The following DEPTOR variants were observed in gnomAD, a reference collection of about 807,000 sequenced individuals.
DEPTOR encodes DEP domain containing MTOR interacting protein.
Under a neutral mutation model 41.6 loss-of-function variants are expected in DEPTOR, and 41 were observed. The ratio of observed to expected loss-of-function variants is 0.98; its 90% confidence interval spans 0.77 to 1.28. The LOEUF is 1.28. Among genes scored for constraint, DEPTOR ranks in the 50% most tolerant of loss-of-function variants. The pLI is 0.00. For synonymous variants in DEPTOR, 195 were observed against 192.3 expected (o/e 1.01, Z -0.12); for missense variants, 514 against 527.9 (o/e 0.97, Z 0.26).
At position 120,033,779 on chromosome 8, in the gene DEPTOR, G is replaced by A. The variant is rs529050793; in HGVS notation, c.1102-15797G>A. On this transcript the variant is annotated intron_variant, in intron 8 of 8. Transcript: ENST00000286234. ...GGCAAGGATTTACTCCCAATCTTTA[G>A]CCAAGTCAGTATGGAGCACTCTCTT... Among the ~76,000 whole-genome samples the A allele has an allele frequency of 1.8e-4, 28 of 152,206 alleles. No homozygotes were observed. The South Asian group carries it at 5.6e-3, about 30-fold the overall frequency.
intron 8 of DEPTOR, among the ~76,000 whole-genome samples, chr8:120,021,034 G>A (rs1812699572): frequency 2.1e-5 from 1 of 48,692 alleles, no homozygotes; most frequent in Admixed American, 2.4e-4. Context: ...ACTCTAGCCT[G>A]GGTGACACAG....
At chr8:119,927,058 G>A (rs996512099) in intron 1 of DEPTOR, among the ~76,000 whole-genome samples, 11 of 152,168 alleles carry the variant, frequency 7.2e-5, no homozygotes. Flanking sequence ...CATGGCAGAA[G>A]AGAAACAGCA....
chr8:119,987,818 G>T (rs1487287493), intron 4 of DEPTOR, among the ~76,000 whole-genome samples: 1 of 152,190 alleles, frequency 6.6e-6, no homozygotes, highest in Non-Finnish European at 1.5e-5. Flanking sequence ...TTTACACTGT[G>T]AGGGGAAAAC....
chr8:119,922,100 A>G (rs1286849608), intron 1 of DEPTOR, among the ~76,000 whole-genome samples: 1 of 151,816 alleles, frequency 6.6e-6, no homozygotes, highest in Non-Finnish European at 1.5e-5. Context: ...TTAGCTGGGC[A>G]TGGTGGCGGG....
chr8:119,942,879 T>C (rs1425227947), intron 3 of DEPTOR, among the ~76,000 whole-genome samples: 1 of 152,230 alleles, frequency 6.6e-6, no homozygotes, highest in African/African-American at 2.4e-5. Context: ...TTTCATCTAA[T>C]GCAGGATATG....
chr8:119,945,610 A>T (rs1828261448), intron 3 of DEPTOR, among the ~76,000 whole-genome samples: 1 of 152,236 alleles, frequency 6.6e-6, no homozygotes, highest in Admixed American at 6.5e-5. Context: ...TAAAAATAAA[A>T]AAGTTAAATT....
chr8:119,963,204 G>A (rs988801992), intron 3 of DEPTOR, among the ~76,000 whole-genome samples: 2 of 152,270 alleles, frequency 1.3e-5, no homozygotes, highest in East Asian at 3.9e-4. Flanking sequence ...AGGAATTCCA[G>A]CCTTTAAAGT....
chr8:119,980,844 C>G (rs1206635347), intron 4 of DEPTOR, among the ~76,000 whole-genome samples: 1 of 152,066 alleles, frequency 6.6e-6, no homozygotes, highest in African/African-American at 2.4e-5. Context: ...TCCCTTATCT[C>G]TGTGATCTTT....
chr8:119,991,088 TTTTCTTTCTTTCTTTC>T (rs1206272230), intron 4 of DEPTOR, among the ~76,000 whole-genome samples: 18 of 45,826 alleles, frequency 3.9e-4, no homozygotes, highest in Middle Eastern at 9.6e-3. Context: ...CTTTCTTTCT[TTTTCTTTCTTTCTTTC>T]TTTCTTTCTT....
intron 1 of DEPTOR, among the ~76,000 whole-genome samples, chr8:119,918,065 G>A (rs1038399030): frequency 2.6e-5 from 4 of 152,182 alleles, no homozygotes; most frequent in East Asian, 1.9e-4. Context: ...CCCCCTCTCC[G>A]AGGAACACCC....
intron 8 of DEPTOR, among the ~76,000 whole-genome samples, chr8:120,011,493 G>T (rs1246115386): frequency 6.6e-6 from 1 of 152,166 alleles, no homozygotes; most frequent in African/African-American, 2.4e-5. Flanking sequence ...CTCTTGGCTG[G>T]GGAAGGATTT....
At chr8:120,006,468 G>A (rs1328811401) in intron 6 of DEPTOR, among the ~76,000 whole-genome samples, 2 of 151,664 alleles carry the variant, frequency 1.3e-5, no homozygotes, top group Non-Finnish European at 2.9e-5. Context: ...AGGTTGCAGT[G>A]AGCCGAGATC....
chr8:119,977,823 TC>T (rs1440368575), intron 4 of DEPTOR, among the ~76,000 whole-genome samples: 5 of 151,992 alleles, frequency 3.3e-5, no homozygotes, highest in African/African-American at 1.2e-4. Context: ...TTTCTTTCTC[TC>T]TCTCTTTTTT....
intron 1 of DEPTOR, among the ~76,000 whole-genome samples, chr8:119,885,642 A>G (rs1011572330): frequency 6.6e-6 from 1 of 152,220 alleles, no homozygotes; most frequent in Non-Finnish European, 1.5e-5. Context: ...CCATCACATA[A>G]TATTTAAGGA....
chr8:120,003,700 C>A (rs1227669259), intron 6 of DEPTOR, among the ~76,000 whole-genome samples: 1 of 152,134 alleles, frequency 6.6e-6, no homozygotes, highest in East Asian at 1.9e-4. Flanking sequence ...CTGGAATTGA[C>A]CCTGGGTGTC....
At chr8:119,979,739 T>A (rs544634764) in intron 4 of DEPTOR, among the ~76,000 whole-genome samples, 1 of 152,144 alleles carries the variant, frequency 6.6e-6, no homozygotes, top group Non-Finnish European at 1.5e-5. Context: ...TTTGGTCATA[T>A]TGGCAGTTGG....
intron 1 of DEPTOR, among the ~76,000 whole-genome samples, chr8:119,926,721 G>A (rs183205188): frequency 1.6e-4 from 25 of 152,236 alleles, no homozygotes; most frequent in African/African-American, 5.5e-4. Context: ...TGATATCACT[G>A]ATATCCTCAT....
intron 1 of DEPTOR, among the ~76,000 whole-genome samples, chr8:119,912,399 C>G (rs1015961890): frequency 1.3e-5 from 2 of 152,174 alleles, no homozygotes; most frequent in African/African-American, 4.8e-5. Context: ...ACTGGGCCAG[C>G]ATGAACAGTT....
intron 8 of DEPTOR, among the ~76,000 whole-genome samples, chr8:120,033,485 G>T (rs1272232313): frequency 6.6e-6 from 1 of 152,186 alleles, no homozygotes; most frequent in African/African-American, 2.4e-5. Context: ...GCCCAGGTCT[G>T]TCTGGCTCCA....
Sources: gnomAD v4.1 joint callset for allele counts (sites outside exome capture counted in the v4.1 genomes callset) on GRCh38, gnomAD v4.1.1 for gene constraint, MANE v1.5 for transcripts, NCBI Gene and HGNC (gene_info 2026-07-23, HGNC 2026-07-21) for gene names.